Variants in TOGARAM1 observed in about 807,000 individuals in gnomAD.
The protein encoded by TOGARAM1 is TOG array regulator of axonemal microtubules 1.
In TOGARAM1, 100 loss-of-function variants were observed where a neutral mutation model predicts 166.6. That is an observed-to-expected ratio of 0.60 (90% CI 0.51 to 0.71). The LOEUF is 0.71. Ranked by LOEUF, TOGARAM1 falls within the 30% of genes least tolerant of loss-of-function variation. The probability of loss-of-function intolerance (pLI) is 0.00; values close to 1 mark genes in which losing one functional copy is unlikely to be tolerated. For missense variants in TOGARAM1, 2,029 were observed against 2,102.7 expected, an observed-to-expected ratio of 0.96 and a Z score of 0.69; for synonymous variants, 758 against 763.8, an observed-to-expected ratio of 0.99 and a Z score of 0.13.
chr14:44,975,340 T>A (rs1354840672), intron 1 of TOGARAM1, among the ~76,000 whole-genome samples: 7 of 152,222 alleles, frequency 4.6e-5, no homozygotes, highest in Non-Finnish European at 1.0e-4. Context: ...ATGTCTAATA[T>A]AAGTTAATAG....
Position 44,962,481 on chromosome 14 carries a change from T to C in TOGARAM1, c.60T>C (p.Tyr20=), listed in dbSNP as rs1446855331. 2 of 1,608,642 alleles carry C rather than the reference T, an allele frequency of 1.2e-6. No homozygotes were observed. The highest frequency in any genetic ancestry group is 1.7e-6 in the Non-Finnish European group (2 of 1,177,906). Residue 20 remains tyrosine, a synonymous_variant, in exon 1 of 20, where the codon TAT becomes TAC. Transcript: ENST00000361462. ...CGCCCTTTCCAGTCCTCTCTACCTA[T>C]CGGCTCCAGAGCCGCAGTCGTCCTT... ...LLPPFPVLST[Y]RLQSRSRPSA...
intron 14 of TOGARAM1, 69 bp downstream of exon 14, chr14:45,046,772 T>G: frequency 8.4e-7 from 1 of 1,195,230 alleles, no homozygotes; most frequent in East Asian, 3.2e-5. Context: ...AGAAAGAAAG[T>G]TTAAAGAAGA....
intron 19 of TOGARAM1, among the ~76,000 whole-genome samples, chr14:45,072,719 C>A (rs1170253941): frequency 1.3e-5 from 2 of 151,956 alleles, no homozygotes; most frequent in African/African-American, 4.8e-5. Flanking sequence ...GCCACTGCAC[C>A]CAGCCCAGTC....
chr14:45,018,154 A>T (rs543309146), intron 7 of TOGARAM1, among the ~76,000 whole-genome samples: 1 of 152,328 alleles, frequency 6.6e-6, no homozygotes, highest in African/African-American at 2.4e-5. Flanking sequence ...TATAATCTAA[A>T]ATATGTAAGT....
rs775546105 is a variant in TOGARAM1, at chr14:44,995,909, A to C, written c.2203+7A>C. 1.9e-6 allele frequency: 3 copies of C among 1,589,866 alleles called. No individual in the cohort carries two copies. The highest frequency in any genetic ancestry group is 2.6e-6 in the Non-Finnish European group (3 of 1,171,324). ...CTTCCTTTATGTGCTGCTGGTAAGT[A>C]CAAGTTGCTGATGATGGTCATGTTG... On this transcript the variant is annotated splice_region_variant and intron_variant, in intron 2 of 19. Transcript: ENST00000361462.
chr14:45,011,468 A>G (rs1212499501), intron 6 of TOGARAM1, among the ~76,000 whole-genome samples: 3 of 152,066 alleles, frequency 2.0e-5, no homozygotes, highest in East Asian at 1.9e-4. Flanking sequence ...GTGCACCGCC[A>G]TGCCTGGTTA....
chr14:45,047,349 G>A (rs575999537), intron 14 of TOGARAM1, among the ~76,000 whole-genome samples: 4 of 149,414 alleles, frequency 2.7e-5, no homozygotes, highest in South Asian at 2.1e-4. Context: ...CCGAGATTGC[G>A]CCATTGCACT....
At chr14:45,027,188 TACTA>T (rs1880901681) in intron 8 of TOGARAM1, 107 bp from the exon 9 acceptor site, 8 of 997,400 alleles carry the variant, frequency 8.0e-6, no homozygotes, top group Middle Eastern at 2.1e-4. Context: ...ATGTTTTTCT[TACTA>T]ACTGTGTTGT....
chr14:44,971,849 G>A (rs1885901505), intron 1 of TOGARAM1, among the ~76,000 whole-genome samples: 2 of 152,252 alleles, frequency 1.3e-5, no homozygotes, highest in South Asian at 4.1e-4. Context: ...TTTTCCATCT[G>A]TATTCTGTTC....
At position 44,963,320 on chromosome 14, in the gene TOGARAM1, C is replaced by T. The variant is rs754322749; in HGVS notation, c.899C>T (p.Pro300Leu). The T allele has an allele frequency of 5.0e-6, 8 of 1,614,034 alleles. No individual in the cohort carries two copies. The highest frequency in any genetic ancestry group is 5.1e-6 in the Non-Finnish European group (6 of 1,180,042). ...TTTCAATCTTACATTTCTCGTCTGC[C>T]CTCTGCCCTGAGGAGACACTACAAT... Reference protein sequence around the residue: ...DRFQSYISRLPSALRRHYNRR... With the variant: ...DRFQSYISRLLSALRRHYNRR... Residue 300 changes from proline to leucine, a missense_variant, in exon 1 of 20, where the codon CCC becomes CTC. By Grantham distance (98) the Pro-to-Leu change is moderately conservative. Coordinates refer to ENST00000361462, the MANE Select transcript of TOGARAM1 (RefSeq NM_001308120.2).
chr14:45,047,173 C>T (rs754956118), intron 14 of TOGARAM1, among the ~76,000 whole-genome samples: 3 of 151,884 alleles, frequency 2.0e-5, no homozygotes, highest in African/African-American at 2.4e-5. Flanking sequence ...AGGTGGATCA[C>T]GAGATCAGGA....
At chr14:45,039,067 G>A (rs1881587181) in intron 11 of TOGARAM1, among the ~76,000 whole-genome samples, 2 of 152,120 alleles carry the variant, frequency 1.3e-5, no homozygotes, top group Non-Finnish European at 2.9e-5. Context: ...GGAGTGGGTA[G>A]CTCCTATCCA....
chr14:45,046,724 G>A (rs1189356950), intron 14 of TOGARAM1, 21 bp downstream of exon 14: 27 of 1,257,210 alleles, frequency 2.1e-5, no homozygotes, highest in Non-Finnish European at 2.5e-5. Flanking sequence ...GCTAATGTTT[G>A]CTAAATCTAT....
At chr14:45,051,628 C>T (rs981418297) in intron 14 of TOGARAM1, among the ~76,000 whole-genome samples, 16 of 138,836 alleles carry the variant, frequency 1.2e-4, no homozygotes, top group African/African-American at 3.3e-4. Context: ...GGTGTGATCT[C>T]GGCTCACTGC....
At chr14:44,981,514 T>G (rs529437163) in intron 1 of TOGARAM1, among the ~76,000 whole-genome samples, 56 of 152,314 alleles carry the variant, frequency 3.7e-4, no homozygotes, top group African/African-American at 1.3e-3. Context: ...GAATGAAAAT[T>G]GGAAAGCACC....
chr14:45,013,662 A>T (rs981288893), intron 7 of TOGARAM1, among the ~76,000 whole-genome samples: 1 of 152,238 alleles, frequency 6.6e-6, no homozygotes, highest in Non-Finnish European at 1.5e-5. Context: ...AGTTCATGAC[A>T]TATATAAAGC....
At chr14:45,057,144 A>G (rs1214868305) in intron 16 of TOGARAM1, among the ~76,000 whole-genome samples, 1 of 152,050 alleles carries the variant, frequency 6.6e-6, no homozygotes, top group African/African-American at 2.4e-5. Flanking sequence ...GTTGCTCATA[A>G]TAGTCTCTGA....
At position 45,073,401 on chromosome 14, in the gene TOGARAM1, C is replaced by T. The variant is rs1430174822; in HGVS notation, c.5162C>T (p.Pro1721Leu). 1 of 1,614,072 alleles carries T rather than the reference C, an allele frequency of 6.2e-7. No homozygotes were observed. The highest frequency in any genetic ancestry group is 1.3e-5 in the African/African-American group (1 of 75,008). ...AATATGACAAATAGTGGCTCTCTGC[C>T]TGGAGCTGGAGGAAATATACGAACA... ...LGNMTNSGSL[P>L]GAGGNIRTAT... The change falls in exon 20 of 20, where the codon CCT becomes CTT. Residue 1721 changes from proline to leucine, a missense_variant. Pro to Leu is a moderately conservative substitution (Grantham distance 98). Transcript: ENST00000361462.
At chr14:44,990,178 G>A (rs960491807) in intron 1 of TOGARAM1, among the ~76,000 whole-genome samples, 2 of 152,192 alleles carry the variant, frequency 1.3e-5, no homozygotes, top group African/African-American at 4.8e-5. Flanking sequence ...AAGGAAAGCA[G>A]ATTCTAGATT....
Sources: gnomAD v4.1 joint callset for allele counts (sites outside exome capture counted in the v4.1 genomes callset) on GRCh38, gnomAD v4.1.1 for gene constraint, MANE v1.5 for transcripts, NCBI Gene and HGNC (gene_info 2026-07-23, HGNC 2026-07-21) for gene names.